TJP1: variants seen among roughly 807,000 people sequenced by gnomAD.
The protein encoded by TJP1 is tight junction protein ZO-1.
Under a neutral mutation model 194.2 loss-of-function variants are expected in TJP1, and 43 were observed. The ratio of observed to expected loss-of-function variants is 0.22; its 90% CI spans 0.17 to 0.29. The LOEUF (loss-of-function observed/expected upper bound fraction) is 0.29. TJP1 is among the 10% of genes least tolerant of loss of function. The pLI is 1.00. For synonymous variants in TJP1, 801 were observed against 779.0 expected (o/e 1.03, Z -0.47); for missense variants, 1,971 against 2,185.7 (o/e 0.90, Z 1.96).
chr15:29,742,204 A>G lies in TJP1; in HGVS notation c.1150+438T>C, dbSNP rs567605433. ...GGAGTTTTGAGGTTACAGCGAGCTA[A>G]TCACACCACTGCACTCCAGCTGGGT... On this transcript the variant is annotated intron_variant, in intron 9 of 27. Coordinates refer to ENST00000614355, the MANE Select transcript of TJP1 (RefSeq NM_001330239.4). Among the ~76,000 whole-genome samples, 3 of 152,110 alleles carry G rather than the reference A, an allele frequency of 2.0e-5. No individual in the cohort carries two copies. The South Asian group carries it at 6.2e-4, about 32-fold the overall frequency.
At chr15:29,919,534 T>C (rs969312723) in intron 2 of TJP1, among the ~76,000 whole-genome samples, 5 of 152,200 alleles carry the variant, frequency 3.3e-5, no homozygotes, top group Non-Finnish European at 5.9e-5. Flanking sequence ...ATATACCTTG[T>C]TAGGTAATGT....
At chr15:29,864,740 T>A (rs886566617) in intron 2 of TJP1, among the ~76,000 whole-genome samples, 2 of 152,276 alleles carry the variant, frequency 1.3e-5, no homozygotes, top group African/African-American at 4.8e-5. Flanking sequence ...GTCTGTCTTA[T>A]CACTATCTCC....
At chr15:29,725,760 A>G (rs1427758253) in intron 18 of TJP1, among the ~76,000 whole-genome samples, 2 of 152,206 alleles carry the variant, frequency 1.3e-5, no homozygotes, top group African/African-American at 4.8e-5. Flanking sequence ...GGAAGGATCT[A>G]TTGCTTTGTT....
chr15:29,719,952 G>A lies in TJP1; in HGVS notation c.2828C>T (p.Ser943Phe). The change falls in exon 20 of 28, where the codon TCT (serine) becomes TTT (phenylalanine). Residue 943 changes from serine (S) to phenylalanine (F), a missense_variant. Transcript: ENST00000614355. ...TAAATTTACATTATGATTAACAGCA[G>A]AGGTTGATGATGCTGGGTTTGTTTC... ...SPETNPASST[S>F]AVNHNVNLTN... 6.2e-7 allele frequency: 1 copy of A among 1,614,206 alleles called. No individual in the cohort carries two copies.
At chr15:29,945,901 TG>T (rs1477982633) in intron 2 of TJP1, among the ~76,000 whole-genome samples, 8 of 152,106 alleles carry the variant, frequency 5.3e-5, no homozygotes, top group African/African-American at 1.9e-4. Flanking sequence ...TGAGAGGGCC[TG>T]GAAGAAATGT....
intron 2 of TJP1, among the ~76,000 whole-genome samples, chr15:29,791,712 T>A (rs2048107090): frequency 6.6e-6 from 1 of 152,126 alleles, no homozygotes; most frequent in Admixed American, 6.6e-5. Flanking sequence ...TTCTTCATAG[T>A]GACTGTACTG....
At chr15:29,964,180 C>T (rs1237238963) in intron 1 of TJP1, among the ~76,000 whole-genome samples, 3 of 152,070 alleles carry the variant, frequency 2.0e-5, no homozygotes, top group South Asian at 2.1e-4. Context: ...CCTGGATCAT[C>T]CAGGTGGGCC....
At chr15:29,937,126 T>C (rs1264375461) in intron 2 of TJP1, among the ~76,000 whole-genome samples, 1 of 152,248 alleles carries the variant, frequency 6.6e-6, no homozygotes, top group Non-Finnish European at 1.5e-5. Context: ...ACTACTATTA[T>C]AGACTCTATT....
intron 23 of TJP1, among the ~76,000 whole-genome samples, chr15:29,714,537 C>CTTTTTTTT (rs58378713): frequency 3.4e-5 from 3 of 88,986 alleles, no homozygotes; most frequent in Non-Finnish European, 2.2e-5. Flanking sequence ...TGCGCCCAGC[C>CTTTTTTTT]TTTTTTTTTT....
intron 2 of TJP1, among the ~76,000 whole-genome samples, chr15:29,889,266 T>C (rs2053227320): frequency 6.6e-6 from 1 of 152,252 alleles, no homozygotes; most frequent in Non-Finnish European, 1.5e-5. Context: ...AACTGCTATG[T>C]TTGAGATCAC....
At chr15:29,717,845 T>A (rs1171401528) in intron 22 of TJP1, among the ~76,000 whole-genome samples, 176 bp downstream of exon 22, 3 of 152,078 alleles carry the variant, frequency 2.0e-5, no homozygotes, top group Non-Finnish European at 4.4e-5. Flanking sequence ...AGAAATAAAG[T>A]TCTACTTTTT....
chr15:29,964,272 A>T (rs2056259043), intron 1 of TJP1, among the ~76,000 whole-genome samples: 1 of 152,220 alleles, frequency 6.6e-6, no homozygotes, highest in Non-Finnish European at 1.5e-5. Flanking sequence ...GAGCTGTTTT[A>T]GTTGCAGTGG....
intron 2 of TJP1, among the ~76,000 whole-genome samples, chr15:29,928,725 C>T (rs1218444066): frequency 1.3e-5 from 2 of 152,096 alleles, no homozygotes; most frequent in Admixed American, 6.5e-5. Context: ...GGGCAGATCA[C>T]GAGGTCAGGA....
At chr15:29,731,539 G>C (rs569847285) in intron 15 of TJP1, among the ~76,000 whole-genome samples, 3 of 152,152 alleles carry the variant, frequency 2.0e-5, no homozygotes, top group Non-Finnish European at 4.4e-5. Flanking sequence ...TTCACTTCCT[G>C]AAAGTCAGGG....
intron 2 of TJP1, among the ~76,000 whole-genome samples, chr15:29,872,134 A>C (rs1484494328): frequency 6.6e-6 from 1 of 152,198 alleles, no homozygotes; most frequent in Non-Finnish European, 1.5e-5. Context: ...GTCAGCTGGA[A>C]GACTCCTTGA....
intron 1 of TJP1, among the ~76,000 whole-genome samples, chr15:29,821,797 C>G (rs1275571916): frequency 6.8e-6 from 1 of 147,930 alleles, no homozygotes; most frequent in Non-Finnish European, 1.5e-5. Flanking sequence ...CCCGGCCGCC[C>G]CCAGTGCGGC....
At chr15:29,837,652 T>C (rs963064404) in intron 2 of TJP1, among the ~76,000 whole-genome samples, 5 of 152,254 alleles carry the variant, frequency 3.3e-5, no homozygotes, top group Non-Finnish European at 7.3e-5. Context: ...TGTACGACTT[T>C]TACAAAGAAA....
At chr15:29,803,860 C>T (rs1595953331) in intron 1 of TJP1, among the ~76,000 whole-genome samples, 1 of 152,118 alleles carries the variant, frequency 6.6e-6, no homozygotes, top group East Asian at 1.9e-4. Flanking sequence ...TCTCAAAAAA[C>T]TTCTCTGTTA....
At chr15:29,959,012 C>A (rs1336064584) in intron 1 of TJP1, among the ~76,000 whole-genome samples, 1 of 146,386 alleles carries the variant, frequency 6.8e-6, no homozygotes, top group African/African-American at 2.5e-5. Context: ...TTTTTTGAGT[C>A]GGAGTCTCGC....
Sources: allele counts gnomAD v4.1 joint callset (sites outside exome capture counted in the v4.1 genomes callset), GRCh38; gene constraint gnomAD v4.1.1; transcripts MANE v1.5; gene names NCBI Gene and HGNC (gene_info 2026-07-23, HGNC 2026-07-21).